AGAP1: variants seen among roughly 807,000 people sequenced by gnomAD.
AGAP1 encodes arf-GAP with GTPase, ANK repeat and PH domain-containing protein 1.
Under a neutral mutation model 105.3 loss-of-function variants are expected in AGAP1, and 29 were observed. That is an observed-to-expected ratio of 0.28 (90% CI 0.21 to 0.38). AGAP1 has a LOEUF of 0.38. AGAP1 is among the 10% of genes least tolerant of loss of function. The pLI is 1.00. For missense variants in AGAP1, 998 were observed against 1,165.1 expected (o/e 0.86, Z 2.09); for synonymous variants, 509 against 485.9 (o/e 1.05, Z -0.63).
chr2:235,563,813 C>T (rs982252581), intron 1 of AGAP1, among the ~76,000 whole-genome samples: 1 of 152,272 alleles, frequency 6.6e-6, no homozygotes. Context: ...CTGAATTGGA[C>T]TGTTTGATTT....
Position 236,124,452 on chromosome 2 carries a change from G to A in AGAP1, c.*330G>A, listed in dbSNP as rs571806375. Reference sequence around the variant, plus strand: ...GGTGGCACAAGGGATGGGGACGCGAGGGGGAGGGGAGGCGAGGAACAAGGA... The same window carrying A: ...GGTGGCACAAGGGATGGGGACGCGAAGGGGAGGGGAGGCGAGGAACAAGGA... On this transcript the variant is annotated 3_prime_UTR_variant, in exon 18 of 18. Transcript: ENST00000304032. The surrounding 1 kb of genome is among the most constrained non-coding windows in gnomAD (Gnocchi z 5.1). The A allele has an allele frequency of 5.8e-6, 2 of 344,034 alleles. No individual in the cohort carries two copies. The highest frequency in any genetic ancestry group is 2.1e-5 in the African/African-American group (1 of 47,804). The allele number at this position is 344,034 out of a possible 1,614,324, so 21.3% of individuals were successfully genotyped here.
chr2:235,515,483 G>A (rs1436375073), intron 1 of AGAP1, among the ~76,000 whole-genome samples: 1 of 152,188 alleles, frequency 6.6e-6, no homozygotes, highest in Admixed American at 6.5e-5. Context: ...CGTAGATACT[G>A]AGCTGGCAAT....
In AGAP1 at chr2:235,989,378, A is replaced by T. The variant is rs541858229; in HGVS notation, c.1645+20755A>T. 6.6e-6 allele frequency among the ~76,000 whole-genome samples: 1 copy of T among 152,296 alleles called. No individual in the cohort carries two copies. Among genetic ancestry groups the T allele is most frequent in the South Asian group, 2.1e-4 (1 of 4,822 alleles). On this transcript the variant is annotated intron_variant, in intron 13 of 17. Coordinates refer to ENST00000304032, the MANE Select transcript of AGAP1 (RefSeq NM_001037131.3). This position sits in a 1 kb window ranked among gnomAD's most constrained non-coding sequence, Gnocchi z 4.4. ...CTAAGCCCTTCCCCCAACTGGAACCATGGAGGGAGGAAGAACAGACCAGGT... is the reference window on the plus strand; with the variant it reads ...CTAAGCCCTTCCCCCAACTGGAACCTTGGAGGGAGGAAGAACAGACCAGGT...
At chr2:235,684,015 G>A (rs967131128) in intron 1 of AGAP1, among the ~76,000 whole-genome samples, 1 of 151,888 alleles carries the variant, frequency 6.6e-6, no homozygotes, top group Non-Finnish European at 1.5e-5. Flanking sequence ...CCACGTCCCT[G>A]CAGAGGACAT....
intron 9 of AGAP1, among the ~76,000 whole-genome samples, chr2:235,858,904 T>C (rs955054514): frequency 6.6e-6 from 1 of 152,200 alleles, no homozygotes; most frequent in African/African-American, 2.4e-5. Context: ...CTGCCAGTCT[T>C]TTCAATTAGT....
Position 235,721,393 on chromosome 2 carries a change from A to C in AGAP1, c.310+3749A>C, listed in dbSNP as rs938906830. ...TTCAATTAGTGAATTAACAACACAA[A>C]AGTGGGTAACACCGTAGGGAACTTG... On this transcript the variant is annotated intron_variant, in intron 3 of 17. Transcript: ENST00000304032. The surrounding 1 kb of genome is among the most constrained non-coding windows in gnomAD (Gnocchi z 4.5). Among the ~76,000 whole-genome samples the C allele has an allele frequency of 1.3e-5, 2 of 152,200 alleles. No homozygotes were observed. Among genetic ancestry groups the C allele is most frequent in the African/African-American group, 4.8e-5 (2 of 41,446 alleles).
intron 1 of AGAP1, chr2:235,669,570 G>C (rs1339153814): frequency 2.0e-5 from 3 of 147,862 alleles, no homozygotes; most frequent in African/African-American, 7.4e-5. Context: ...GCGGTCCCTT[G>C]CACGTCGGCC....
chr2:235,804,728 T>G (rs1012834539), intron 8 of AGAP1, among the ~76,000 whole-genome samples: 10 of 152,206 alleles, frequency 6.6e-5, no homozygotes, highest in Non-Finnish European at 1.2e-4. Flanking sequence ...ATCGAGTGTT[T>G]GTTGGAGGCT....
intron 13 of AGAP1, among the ~76,000 whole-genome samples, chr2:236,018,925 G>A (rs533476713): frequency 6.6e-6 from 1 of 152,288 alleles, no homozygotes; most frequent in South Asian, 2.1e-4. Flanking sequence ...CATTGCCATG[G>A]GGAAACAGCA....
At chr2:236,060,059 C>T (rs1184471127) in intron 16 of AGAP1, among the ~76,000 whole-genome samples, 1 of 152,172 alleles carries the variant, frequency 6.6e-6, no homozygotes, top group Non-Finnish European at 1.5e-5. Context: ...CCACTGCACT[C>T]CAGCCTGGGT....
chr2:235,648,708 C>A (rs1559313265), intron 1 of AGAP1, among the ~76,000 whole-genome samples: 46 of 132,172 alleles, frequency 3.5e-4, no homozygotes, highest in Non-Finnish European at 4.9e-4. Context: ...CCCATCTCTA[C>A]AAAAAAAAAA....
At chr2:235,743,892 C>T (rs1952733608) in intron 4 of AGAP1, among the ~76,000 whole-genome samples, 1 of 152,162 alleles carries the variant, frequency 6.6e-6, no homozygotes, top group Non-Finnish European at 1.5e-5. Flanking sequence ...AAGTCTCTGC[C>T]CTGCAGGCAG....
At position 235,968,589 on chromosome 2, in the gene AGAP1, C is replaced by T; in HGVS notation, c.1611C>T (p.Asn537=). The T allele has an allele frequency of 2.0e-6, 3 of 1,492,016 alleles. No homozygotes were observed. The highest frequency in any genetic ancestry group is 1.1e-5 in the South Asian group (1 of 89,128). 92.4% of individuals were successfully genotyped at this position (1,492,016 alleles called of 1,614,324 possible). The part of the protein sequence containing the change: ...KKHRRKKSTS[N]FKADGLSGTA... ...ACCGAAGGAAGAAAAGCACTAGCAA[C>T]TTCAAAGCCGACGGCCTGTCCGGCA... Residue 537 remains asparagine, a synonymous_variant, in exon 13 of 18, where the codon AAC becomes AAT. Transcript: ENST00000304032.
intron 9 of AGAP1, among the ~76,000 whole-genome samples, chr2:235,821,269 A>G (rs1958771619): frequency 1.3e-5 from 2 of 152,256 alleles, no homozygotes; most frequent in Admixed American, 6.5e-5. Flanking sequence ...AGCATAAAAC[A>G]TAAAACTGTG....
At position 235,869,587 on chromosome 2, in the gene AGAP1, C is replaced by T. The variant is rs966145453; in HGVS notation, c.1051-13758C>T. Reference sequence around the variant, plus strand: ...CTGCACTCCAGCCTGAGCGACAGAGCGAGACTCCGTCTCAAAAATAAAAAA... The same window carrying T: ...CTGCACTCCAGCCTGAGCGACAGAGTGAGACTCCGTCTCAAAAATAAAAAA... On this transcript the variant is annotated intron_variant, in intron 9 of 17. Transcript: ENST00000304032. Among the ~76,000 whole-genome samples the T allele has an allele frequency of 2.5e-4, 38 of 152,118 alleles. 1 individual carries two copies. The highest frequency in any genetic ancestry group is 1.9e-3 in the Admixed American group (29 of 15,270).
intron 1 of AGAP1, among the ~76,000 whole-genome samples, chr2:235,708,416 C>T (rs1426911208): frequency 5.9e-5 from 9 of 151,986 alleles, no homozygotes; most frequent in South Asian, 4.2e-4. Flanking sequence ...AAGCCATGGT[C>T]GTTTGGGTCA....
rs115475339 is a variant in AGAP1, at chr2:235,612,645, G to A, written c.164-96534G>A. ...CATGTTAAGAACAGTTGTGGTTCAC[G>A]TGTACCAAACTTGGGAAATCCTGAC... On this transcript the variant is annotated intron_variant, in intron 1 of 17. Transcript: ENST00000304032. This position sits in a 1 kb window ranked among gnomAD's most constrained non-coding sequence, Gnocchi z 4.3. Among the ~76,000 whole-genome samples the A allele has an allele frequency of 3.5e-3, 539 of 152,316 alleles. 4 individuals are homozygous for A. Among genetic ancestry groups the A allele is most frequent in the African/African-American group, 9.3e-3 (386 of 41,566 alleles).
Position 235,690,517 on chromosome 2 carries a change from C to T in AGAP1, c.164-18662C>T, listed in dbSNP as rs181729782. Among the ~76,000 whole-genome samples the T allele has an allele frequency of 1.2e-4, 19 of 152,242 alleles. No individual in the cohort carries two copies. The South Asian group carries it at 1.9e-3, about 15-fold the overall frequency. ...GAAAGCATGGTTTATTCCTAGCTTC[C>T]GGTAGAGGAGGCTGGCCAACTCAGA... is the stretch of plus-strand genomic sequence containing the variant. On this transcript the variant is annotated intron_variant, in intron 1 of 17. Transcript: ENST00000304032. The surrounding 1 kb of genome is among the most constrained non-coding windows in gnomAD (Gnocchi z 4.1).
intron 1 of AGAP1, among the ~76,000 whole-genome samples, chr2:235,613,259 G>C (rs1946198606): frequency 6.6e-6 from 1 of 152,158 alleles, no homozygotes. Flanking sequence ...GCTTCCAAAA[G>C]TGCTGGGATT....
Sources: allele counts gnomAD v4.1 joint callset (sites outside exome capture counted in the v4.1 genomes callset), GRCh38; gene constraint gnomAD v4.1.1; non-coding constraint Gnocchi (gnomAD v3.1); transcripts MANE v1.5; gene names NCBI Gene and HGNC (gene_info 2026-07-23, HGNC 2026-07-21).